EML4: variants seen among roughly 807,000 people sequenced by gnomAD.
The protein encoded by EML4 is EMAP like 4.
EML4 carries 72 observed loss-of-function variants against 129.0 expected under a neutral mutation model. That is an observed-to-expected ratio of 0.56 (90% CI 0.46 to 0.68). The LOEUF (loss-of-function observed/expected upper bound fraction) is 0.68. EML4 is among the 30% of genes least tolerant of loss of function. EML4 has a pLI of 0.00. For missense variants in EML4, 1,363 were observed against 1,190.6 expected, an observed-to-expected ratio of 1.14 and a Z score of -2.13; for synonymous variants, 532 against 405.0, an observed-to-expected ratio of 1.31 and a Z score of -3.77.
intron 1 of EML4, among the ~76,000 whole-genome samples, chr2:42,191,884 C>G (rs1671605643): frequency 6.6e-6 from 1 of 152,192 alleles, no homozygotes; most frequent in South Asian, 2.1e-4. Flanking sequence ...TGGCTCACAC[C>G]TGTAATCCCA....
intron 1 of EML4, among the ~76,000 whole-genome samples, chr2:42,192,030 T>A (rs1005324754): frequency 7.3e-5 from 11 of 150,984 alleles, no homozygotes; most frequent in African/African-American, 2.7e-4. Context: ...TTCCAGCTAC[T>A]CGGGAGGCTG....
intron 21 of EML4, among the ~76,000 whole-genome samples, chr2:42,328,656 T>C (rs917867908): frequency 2.0e-5 from 3 of 152,208 alleles, no homozygotes; most frequent in African/African-American, 7.2e-5. Context: ...AGTCTTTAAG[T>C]TTTCCATTTT....
chr2:42,297,150 A>C (rs1439185385), intron 13 of EML4, among the ~76,000 whole-genome samples: 2 of 152,170 alleles, frequency 1.3e-5, no homozygotes, highest in African/African-American at 4.8e-5. Flanking sequence ...CAGTGGGTTG[A>C]GGGTTCTTAA....
At chr2:42,284,725 C>A in intron 9 of EML4, 22 bp downstream of exon 9, 1 of 1,562,020 alleles carries the variant, frequency 6.4e-7, no homozygotes, top group Non-Finnish European at 8.8e-7. Context: ...AGTGTTATGC[C>A]TTCTGTACCT....
intron 1 of EML4, among the ~76,000 whole-genome samples, chr2:42,199,655 G>A (rs1434503386): frequency 6.6e-6 from 1 of 152,166 alleles, no homozygotes; most frequent in Non-Finnish European, 1.5e-5. Flanking sequence ...GAGGCAAAAG[G>A]TAGACTGAGG....
At chr2:42,293,440 A>C (rs1667766848) in intron 11 of EML4, among the ~76,000 whole-genome samples, 1 of 152,208 alleles carries the variant, frequency 6.6e-6, no homozygotes, top group African/African-American at 2.4e-5. Context: ...TTATGTGCTT[A>C]TGCAAAGGCC....
intron 19 of EML4, among the ~76,000 whole-genome samples, chr2:42,321,262 A>C (rs1464099119): frequency 6.6e-6 from 1 of 152,102 alleles, no homozygotes; most frequent in South Asian, 2.1e-4. Flanking sequence ...GGGTGCCTGT[A>C]GTCCCAGCTA....
At chr2:42,209,685 T>G (rs1387329629) in intron 1 of EML4, among the ~76,000 whole-genome samples, 1 of 152,226 alleles carries the variant, frequency 6.6e-6, no homozygotes, top group African/African-American at 2.4e-5. Context: ...ATCCCAGCAC[T>G]TTGGGAGGCT....
chr2:42,212,427 G>A (rs902978207), intron 1 of EML4, among the ~76,000 whole-genome samples: 2 of 151,370 alleles, frequency 1.3e-5, no homozygotes, highest in African/African-American at 4.9e-5. Context: ...TTCCTTCAGC[G>A]TTTTAAAGAA....
intron 1 of EML4, among the ~76,000 whole-genome samples, chr2:42,210,225 A>AT (rs1367053574): frequency 6.6e-6 from 1 of 151,940 alleles, no homozygotes; most frequent in Non-Finnish European, 1.5e-5. Context: ...GGCTATGACC[A>AT]TTTTTTCAGG....
At chr2:42,254,591 T>G (rs568694220) in intron 2 of EML4, among the ~76,000 whole-genome samples, 2 of 148,688 alleles carry the variant, frequency 1.3e-5, no homozygotes, top group Middle Eastern at 6.9e-3. Context: ...CCAAAACTTA[T>G]GAGGTAACAC....
intron 1 of EML4, among the ~76,000 whole-genome samples, chr2:42,238,977 C>T (rs1674853750): frequency 6.6e-6 from 1 of 152,104 alleles, no homozygotes; most frequent in Non-Finnish European, 1.5e-5. Context: ...CTAGGTTGCC[C>T]AGGCTGGTCT....
chr2:42,315,524 TAGA>T (rs758456425), intron 17 of EML4, among the ~76,000 whole-genome samples: 1 of 152,134 alleles, frequency 6.6e-6, no homozygotes, highest in Non-Finnish European at 1.5e-5. Context: ...TATCCTTCAT[TAGA>T]AGAAGAAAAC....
intron 1 of EML4, among the ~76,000 whole-genome samples, chr2:42,236,125 G>A (rs373887293): frequency 4.6e-5 from 7 of 151,828 alleles, no homozygotes; most frequent in African/African-American, 1.7e-4. Flanking sequence ...TCATTCCCTT[G>A]GTTTTTCAGT....
rs186979111 is a variant in EML4, at chr2:42,285,746, G to A, written c.1012-523G>A. Among the ~76,000 whole-genome samples the A allele has an allele frequency of 1.1e-4, 16 of 152,000 alleles. No homozygotes were observed. The East Asian group carries it at 2.1e-3, about 20-fold the overall frequency. On this transcript the variant is annotated intron_variant, in intron 9 of 22. Transcript: ENST00000318522. ...CCTGAGTAGCTGTGACTACAGGCGC[G>A]TACTACCATGCCTGGCTAATTTTTT...
chr2:42,258,119 A>G (rs930321905), intron 3 of EML4, among the ~76,000 whole-genome samples: 7 of 152,156 alleles, frequency 4.6e-5, no homozygotes, highest in African/African-American at 1.7e-4. Flanking sequence ...TGATTCAACA[A>G]TCCAAGGCCA....
chr2:42,330,386 A>C lies in EML4; in HGVS notation c.*179A>C. 1 of 690,500 alleles carries C rather than the reference A, an allele frequency of 1.4e-6. No homozygotes were observed. The highest frequency in any genetic ancestry group is 2.6e-6 in the Non-Finnish European group (1 of 385,526). 42.8% of individuals were successfully genotyped at this position (690,500 alleles called of 1,614,324 possible). ...TCAAATACAGCCAACTTAAAGTTTTAGTTTGGTGTTTATTGAAAATTAACC... is the reference window on the plus strand; with the variant it reads ...TCAAATACAGCCAACTTAAAGTTTTCGTTTGGTGTTTATTGAAAATTAACC... On this transcript the variant is annotated 3_prime_UTR_variant, in exon 23 of 23. Coordinates refer to ENST00000318522, the MANE Select transcript of EML4 (RefSeq NM_019063.5).
At chr2:42,287,085 T>C (rs188518239) in intron 10 of EML4, among the ~76,000 whole-genome samples, 198 of 152,324 alleles carry the variant, frequency 1.3e-3, no homozygotes, top group Middle Eastern at 3.4e-3. Flanking sequence ...CCCCTGTAGA[T>C]TTTATGTGAC....
chr2:42,198,311 A>G (rs1210318922), intron 1 of EML4, among the ~76,000 whole-genome samples: 1 of 152,150 alleles, frequency 6.6e-6, no homozygotes, highest in Admixed American at 6.5e-5. Context: ...GAGAATGGGC[A>G]TGTATGATTG....
Sources: gnomAD v4.1 joint callset for allele counts (sites outside exome capture counted in the v4.1 genomes callset) on GRCh38, gnomAD v4.1.1 for gene constraint, MANE v1.5 for transcripts, NCBI Gene and HGNC (gene_info 2026-07-23, HGNC 2026-07-21) for gene names.